SP140L: variants seen among roughly 807,000 people sequenced by gnomAD.
SP140L encodes the protein SP140 like nuclear body protein.
SP140L carries 64 observed loss-of-function variants against 84.3 expected under a neutral mutation model. The observed-to-expected ratio is 0.76, with a 90% confidence interval of 0.62 to 0.94. SP140L has a LOEUF of 0.94. SP140L is among the 40% of genes least tolerant of loss of function. SP140L has a pLI of 0.00. For missense variants in SP140L, 628 were observed against 692.5 expected (o/e 0.91, Z 1.05); for synonymous variants, 242 against 236.9 (o/e 1.02, Z -0.20).
At chr2:230,398,043 G>A (rs1239654746) in intron 14 of SP140L, among the ~76,000 whole-genome samples, 1 of 152,212 alleles carries the variant, frequency 6.6e-6, no homozygotes, top group African/African-American at 2.4e-5. Flanking sequence ...TGCTCAGGCT[G>A]AGTCTCAAAT....
intron 13 of SP140L, among the ~76,000 whole-genome samples, chr2:230,396,086 C>T (rs1247830873): frequency 6.6e-6 from 1 of 152,272 alleles, no homozygotes; most frequent in East Asian, 1.9e-4. Flanking sequence ...TATTGCAACT[C>T]CTCTGGGTGG....
intron 5 of SP140L, among the ~76,000 whole-genome samples, chr2:230,365,327 TATTC>T (rs2060832760): frequency 6.6e-6 from 1 of 152,040 alleles, no homozygotes; most frequent in African/African-American, 2.4e-5. Context: ...TACATCTCCT[TATTC>T]ATTATTGGTC....
intron 2 of SP140L, among the ~76,000 whole-genome samples, chr2:230,351,689 C>G (rs1037778034): frequency 1.3e-5 from 2 of 152,134 alleles, no homozygotes; most frequent in Non-Finnish European, 2.9e-5. Flanking sequence ...CACTGTCACC[C>G]AGCCCAGAGT....
intron 2 of SP140L, among the ~76,000 whole-genome samples, chr2:230,349,339 G>A (rs1575456415): frequency 6.6e-6 from 1 of 151,956 alleles, no homozygotes; most frequent in Non-Finnish European, 1.5e-5. Flanking sequence ...GATTGTTTTG[G>A]CTATTCTGGG....
At chr2:230,362,278 G>A (rs545319371) in intron 5 of SP140L, among the ~76,000 whole-genome samples, 5 of 152,202 alleles carry the variant, frequency 3.3e-5, no homozygotes, top group African/African-American at 1.2e-4. Context: ...AACAGGAAGT[G>A]CTCTTTTGAC....
chr2:230,381,876 A>G (rs1308024262), intron 7 of SP140L, among the ~76,000 whole-genome samples: 2 of 152,208 alleles, frequency 1.3e-5, no homozygotes, highest in Non-Finnish European at 2.9e-5. Context: ...TTCATACAAT[A>G]AGCACAATCC....
chr2:230,382,408 T>A (rs925200302), intron 7 of SP140L, among the ~76,000 whole-genome samples: 1 of 152,194 alleles, frequency 6.6e-6, no homozygotes, highest in Non-Finnish European at 1.5e-5. Flanking sequence ...CTCCTAGGGT[T>A]GGAGGTGTTC....
At chr2:230,381,717 C>CT (rs2061413128) in intron 7 of SP140L, among the ~76,000 whole-genome samples, 1 of 14,978 alleles carries the variant, frequency 6.7e-5, no homozygotes, top group East Asian at 5.4e-4. Context: ...TCTCTACACA[C>CT]ACACACACAC....
intron 2 of SP140L, among the ~76,000 whole-genome samples, chr2:230,355,602 T>C (rs1482353453): frequency 1.3e-5 from 2 of 152,156 alleles, no homozygotes; most frequent in African/African-American, 4.8e-5. Flanking sequence ...AAGACAATCT[T>C]TTCTAATTGA....
At chr2:230,398,767 T>C (rs539594606) in intron 14 of SP140L, among the ~76,000 whole-genome samples, 1 of 152,310 alleles carries the variant, frequency 6.6e-6, no homozygotes, top group Admixed American at 6.5e-5. Flanking sequence ...CTGTAGGCAC[T>C]CCACATAGGG....
chr2:230,337,574 C>T (rs2059915609), intron 2 of SP140L, among the ~76,000 whole-genome samples: 2 of 152,090 alleles, frequency 1.3e-5, no homozygotes. Flanking sequence ...TTGCCCATGC[C>T]TATGTCCTGA....
At chr2:230,366,489 A>AT (rs2149752595) in intron 5 of SP140L, among the ~76,000 whole-genome samples, 1 of 151,288 alleles carries the variant, frequency 6.6e-6, no homozygotes, top group South Asian at 2.1e-4. Context: ...CTATCTTGTC[A>AT]TTTTCAGTCT....
At chr2:230,332,760 G>GATC (rs1271242881) in intron 2 of SP140L, among the ~76,000 whole-genome samples, 1 of 152,122 alleles carries the variant, frequency 6.6e-6, no homozygotes, top group Non-Finnish European at 1.5e-5. Context: ...TCAGGACAGT[G>GATC]AGGCACATTG....
At chr2:230,374,208 T>C (rs1224244729) in intron 7 of SP140L, among the ~76,000 whole-genome samples, 3 of 151,306 alleles carry the variant, frequency 2.0e-5, no homozygotes, top group Non-Finnish European at 4.4e-5. Context: ...CCCAGTTAGT[T>C]AGGAGGCTGA....
At chr2:230,380,196 GT>G (rs2061360919) in intron 7 of SP140L, among the ~76,000 whole-genome samples, 1 of 152,074 alleles carries the variant, frequency 6.6e-6, no homozygotes, top group African/African-American at 2.4e-5. Flanking sequence ...AGTGAAAGGG[GT>G]TTCCTTTATA....
At chr2:230,386,200 G>A (rs976482292) in intron 9 of SP140L, among the ~76,000 whole-genome samples, 2 of 152,188 alleles carry the variant, frequency 1.3e-5, no homozygotes, top group East Asian at 1.9e-4. Flanking sequence ...TCCCATAGGT[G>A]GACTGGTGCA....
chr2:230,371,029 A>G (rs2061050315), intron 6 of SP140L, 62 bp downstream of exon 6: 2 of 1,467,890 alleles, frequency 1.4e-6, no homozygotes, highest in African/African-American at 1.4e-5. Flanking sequence ...CCCTGGGAAG[A>G]GTGGAGGCAG....
intron 5 of SP140L, among the ~76,000 whole-genome samples, chr2:230,363,571 T>C (rs1337713075): frequency 2.6e-5 from 4 of 152,086 alleles, no homozygotes; most frequent in South Asian, 2.1e-4. Context: ...ATTTTAGATA[T>C]TAGCCCTTAT....
intron 13 of SP140L, among the ~76,000 whole-genome samples, chr2:230,396,351 C>T (rs1488167855): frequency 6.6e-6 from 1 of 152,136 alleles, no homozygotes; most frequent in Non-Finnish European, 1.5e-5. Flanking sequence ...AATTTAATAG[C>T]ATTTATTGGA....
Sources: allele counts gnomAD v4.1 joint callset (sites outside exome capture counted in the v4.1 genomes callset), GRCh38; gene constraint gnomAD v4.1.1; transcripts MANE v1.5; gene names NCBI Gene and HGNC (gene_info 2026-07-23, HGNC 2026-07-21).